PRIM2: variants seen among roughly 807,000 people sequenced by gnomAD.
PRIM2 encodes DNA primase subunit 2, also known as DNA primase large subunit.
PRIM2 carries 39 observed loss-of-function variants against 67.3 expected under a neutral mutation model. The observed-to-expected ratio is 0.58, with a 90% CI of 0.45 to 0.76. The LOEUF (loss-of-function observed/expected upper bound fraction) is 0.76. Ranked by LOEUF, PRIM2 falls within the 30% of genes least tolerant of loss-of-function variation. The pLI, the probability that PRIM2 is intolerant of heterozygous loss-of-function variation, is 0.00. For synonymous variants in PRIM2, 143 were observed against 198.7 expected (o/e 0.72, Z 2.36); for missense variants, 398 against 598.7 (o/e 0.66, Z 3.50).
At chr6:57,623,743 A>C (rs1305855266) in intron 12 of PRIM2, among the ~76,000 whole-genome samples, 1 of 152,170 alleles carries the variant, frequency 6.6e-6, no homozygotes, top group Non-Finnish European at 1.5e-5. Flanking sequence ...AATTTATTTC[A>C]TAAAGCAAGT....
intron 12 of PRIM2, among the ~76,000 whole-genome samples, chr6:57,615,552 A>G (rs1485399538): frequency 8.5e-5 from 13 of 152,284 alleles, no homozygotes; most frequent in Admixed American, 2.6e-4. Context: ...AAATTTTCAA[A>G]TTGTACTTTG....
At chr6:57,256,010 CACACACACACACAT>C in the PRIM2 span, among the ~76,000 whole-genome samples, 12,481 of 141,034 alleles carry the variant, frequency 0.088, 565 homozygotes, top group African/African-American at 0.12. Flanking sequence ...TTTAGACACG[CACACACACACACAT>C]ACACACACAC....
chr6:57,577,723 C>T (rs1313181953), intron 10 of PRIM2, among the ~76,000 whole-genome samples: 2 of 152,096 alleles, frequency 1.3e-5, no homozygotes, highest in African/African-American at 4.8e-5. Flanking sequence ...GCCACTGCGC[C>T]CAGCCATAAA....
intron 10 of PRIM2, among the ~76,000 whole-genome samples, chr6:57,563,089 C>A (rs1438793917): frequency 1.3e-5 from 2 of 152,022 alleles, no homozygotes; most frequent in African/African-American, 2.4e-5. Context: ...TCATGTCCCA[C>A]GTCTTGAGAG....
At chr6:57,232,807 G>A in the PRIM2 span, among the ~76,000 whole-genome samples, 2 of 152,080 alleles carry the variant, frequency 1.3e-5, no homozygotes, top group African/African-American at 4.8e-5. Flanking sequence ...ATACAGTTAG[G>A]ACACCAAATT....
intron 10 of PRIM2, among the ~76,000 whole-genome samples, chr6:57,571,391 T>A (rs1163296387): frequency 2.0e-5 from 3 of 152,142 alleles, no homozygotes; most frequent in Admixed American, 6.5e-5. Context: ...GGCTCATGCT[T>A]ATAATCCCAG....
intron 10 of PRIM2, among the ~76,000 whole-genome samples, chr6:57,542,978 G>A (rs1322096856): frequency 2.4e-5 from 2 of 82,598 alleles, no homozygotes; most frequent in African/African-American, 5.6e-5. Flanking sequence ...TCTCGCTGTC[G>A]CCCAGGCTGG....
intron 5 of PRIM2, among the ~76,000 whole-genome samples, chr6:57,337,398 A>G (rs996046764): frequency 3.9e-5 from 6 of 151,978 alleles, no homozygotes; most frequent in African/African-American, 1.5e-4. Flanking sequence ...CCAAATCAAC[A>G]GAATATACAT....
At chr6:57,231,276 T>C in the PRIM2 span, among the ~76,000 whole-genome samples, 1 of 152,346 alleles carries the variant, frequency 6.6e-6, no homozygotes, top group Non-Finnish European at 1.5e-5. Flanking sequence ...GAAGGTGTAA[T>C]GAGCTCAGAC....
At chr6:57,452,534 G>C (rs1297138607) in intron 7 of PRIM2, among the ~76,000 whole-genome samples, 1 of 152,248 alleles carries the variant, frequency 6.6e-6, no homozygotes, top group Non-Finnish European at 1.5e-5. Flanking sequence ...CTGATGGCCA[G>C]TGATGATGAG....
chr6:57,392,801 A>G lies in PRIM2; in HGVS notation c.693+10633A>G, dbSNP rs1483162319. Among the ~76,000 whole-genome samples the G allele has an allele frequency of 9.9e-5, 15 of 152,008 alleles. No homozygotes were observed. In the East Asian group the frequency reaches 2.9e-3, roughly 29 times the overall value. Reference sequence around the variant, plus strand: ...TCACCCGAGCAGTATACGCTACACCATTATTTGTAGTCTTATTTTTTGTCC... The same window carrying G: ...TCACCCGAGCAGTATACGCTACACCGTTATTTGTAGTCTTATTTTTTGTCC... On this transcript the variant is annotated intron_variant, in intron 7 of 13. Coordinates refer to ENST00000615550, the MANE Select transcript of PRIM2 (RefSeq NM_000947.5).
At chr6:57,463,365 A>G (rs1206576747) in intron 7 of PRIM2, among the ~76,000 whole-genome samples, 1 of 152,156 alleles carries the variant, frequency 6.6e-6, no homozygotes, top group Admixed American at 6.5e-5. Context: ...GGTGGCCTGC[A>G]GCTGTTGTCC....
chr6:57,269,927 G>T, the PRIM2 span, among the ~76,000 whole-genome samples: 3 of 152,322 alleles, frequency 2.0e-5, no homozygotes, highest in South Asian at 6.2e-4. Context: ...GTTTGTCAAA[G>T]ATCAGATGGT....
the PRIM2 span, among the ~76,000 whole-genome samples, chr6:57,255,488 A>G: frequency 7.5e-6 from 1 of 133,668 alleles, no homozygotes; most frequent in African/African-American, 2.8e-5. Flanking sequence ...ACAGAGCAGG[A>G]CTCTATCTCA....
the PRIM2 span, chr6:57,222,053 G>C: frequency 2.6e-5 from 4 of 152,284 alleles, no homozygotes; most frequent in South Asian, 4.1e-4. Flanking sequence ...CCCGCCGCCC[G>C]GCGCCACCGG....
intron 8 of PRIM2, among the ~76,000 whole-genome samples, chr6:57,530,313 C>G (rs1314178370): frequency 6.6e-6 from 1 of 152,162 alleles, no homozygotes; most frequent in Admixed American, 6.5e-5. Flanking sequence ...GACTTTGAGT[C>G]TCTGGTGGCA....
intron 3 of PRIM2, among the ~76,000 whole-genome samples, chr6:57,321,632 G>A (rs913896824): frequency 1.3e-5 from 2 of 152,080 alleles, no homozygotes; most frequent in African/African-American, 4.8e-5. Flanking sequence ...GCCAAGGAGG[G>A]CTAGAGTTTC....
chr6:57,305,216 A>G, the PRIM2 span, among the ~76,000 whole-genome samples: 1 of 152,224 alleles, frequency 6.6e-6, no homozygotes, highest in Non-Finnish European at 1.5e-5. Flanking sequence ...CAGCCAACTG[A>G]GAGAAAATAT....
At chr6:57,641,966 G>C (rs1438054839) in intron 13 of PRIM2, among the ~76,000 whole-genome samples, 353 of 152,298 alleles carry the variant, frequency 2.3e-3, no homozygotes, top group Non-Finnish European at 3.8e-3. Flanking sequence ...CAATAGCAAA[G>C]ACTTGGAACC....
Sources: allele counts gnomAD v4.1 joint callset (sites outside exome capture counted in the v4.1 genomes callset), GRCh38; gene constraint gnomAD v4.1.1; transcripts MANE v1.5; gene names NCBI Gene and HGNC (gene_info 2026-07-23, HGNC 2026-07-21).